AGBL1: variants seen among roughly 807,000 people sequenced by gnomAD.
AGBL1 encodes the protein cytosolic carboxypeptidase 4.
Under a neutral mutation model 118.9 loss-of-function variants are expected in AGBL1, and 130 were observed. The ratio of observed to expected loss-of-function variants is 1.09; its 90% CI spans 0.95 to 1.26. AGBL1 has a LOEUF of 1.26. AGBL1 is among the 50% of genes most tolerant of loss of function. The pLI is 0.00. For missense variants in AGBL1, 1,584 were observed against 1,298.1 expected, an observed-to-expected ratio of 1.22 and a Z score of -3.38; for synonymous variants, 555 against 478.9, an observed-to-expected ratio of 1.16 and a Z score of -2.08.
At chr15:86,566,139 C>T (rs2083910160) in intron 21 of AGBL1, among the ~76,000 whole-genome samples, 1 of 152,166 alleles carries the variant, frequency 6.6e-6, no homozygotes, top group African/African-American at 2.4e-5. Context: ...CACTGTCCTG[C>T]ACCCACTGTC....
At chr15:86,862,322 T>A (rs2079570241) in intron 22 of AGBL1, among the ~76,000 whole-genome samples, 1 of 152,172 alleles carries the variant, frequency 6.6e-6, no homozygotes. Flanking sequence ...TACTGATAAG[T>A]CCTACAGATA....
intron 22 of AGBL1, among the ~76,000 whole-genome samples, chr15:86,853,948 A>AT (rs2079443177): frequency 6.6e-6 from 1 of 152,166 alleles, no homozygotes; most frequent in Non-Finnish European, 1.5e-5. Context: ...CAAAGAAAAT[A>AT]TTGCATAGGG....
At chr15:86,621,898 C>G (rs2084811178) in intron 21 of AGBL1, among the ~76,000 whole-genome samples, 1 of 152,128 alleles carries the variant, frequency 6.6e-6, no homozygotes, top group Admixed American at 6.6e-5. Flanking sequence ...TTTGGTAGGA[C>G]TTTTTAGAAA....
chr15:86,232,259 T>G (rs1049592334), intron 6 of AGBL1, among the ~76,000 whole-genome samples: 18 of 152,312 alleles, frequency 1.2e-4, no homozygotes, highest in Middle Eastern at 3.4e-3. Flanking sequence ...CCTGTCCCCT[T>G]GGGACGGTCA....
chr15:86,643,524 G>A (rs549737764), intron 21 of AGBL1, among the ~76,000 whole-genome samples: 24 of 152,004 alleles, frequency 1.6e-4, no homozygotes, highest in Admixed American at 5.2e-4. Flanking sequence ...TTAGCTTGTC[G>A]CTAACTTCTC....
chr15:86,924,267 C>A (rs1016820670), intron 23 of AGBL1, among the ~76,000 whole-genome samples: 1 of 152,144 alleles, frequency 6.6e-6, no homozygotes, highest in Non-Finnish European at 1.5e-5. Context: ...ACATTGTGAT[C>A]CTAATGGTAC....
intron 21 of AGBL1, among the ~76,000 whole-genome samples, chr15:86,640,960 C>G (rs1463531882): frequency 1.4e-5 from 1 of 73,534 alleles, no homozygotes; most frequent in African/African-American, 4.7e-5. Context: ...TTTTTAATTA[C>G]TGAGGTTGAT....
At position 86,686,442 on chromosome 15, in the gene AGBL1, G is replaced by GTTTT. The variant is rs368842116; in HGVS notation, c.3158+12022_3158+12025dup. Among the ~76,000 whole-genome samples the GTTTT allele has an allele frequency of 4.6e-4, 58 of 127,098 alleles. 4 individuals carry two copies. The highest frequency in any genetic ancestry group is 1.1e-3 in the Admixed American group (13 of 11,680). 83.4% of individuals were successfully genotyped at this position (127,098 alleles called of 152,430 possible). On this transcript the variant is annotated intron_variant, in intron 22 of 22. Transcript: ENST00000614907. ...TTATTGACTGCTTAGCATATTCTAA[G>GTTTT]TTTTTTTTTTTTTTTTTTTGAGATG... is the stretch of plus-strand genomic sequence containing the variant.
At chr15:87,025,580 C>T (rs758596695) in intron 24 of AGBL1, among the ~76,000 whole-genome samples, 16 of 151,784 alleles carry the variant, frequency 1.1e-4, no homozygotes, top group Non-Finnish European at 2.1e-4. Context: ...CTACCAAAAG[C>T]GATCTACAAA....
chr15:86,497,688 A>T (rs746232512), intron 18 of AGBL1, among the ~76,000 whole-genome samples: 1 of 151,588 alleles, frequency 6.6e-6, no homozygotes, highest in Non-Finnish European at 1.5e-5. Flanking sequence ...GGAGTATGGG[A>T]CTCGGGATCT....
chr15:86,427,433 C>G (rs2081880006), intron 18 of AGBL1, among the ~76,000 whole-genome samples: 1 of 151,954 alleles, frequency 6.6e-6, no homozygotes, highest in Non-Finnish European at 1.5e-5. Context: ...TCCTAAATGA[C>G]ATTTCCAGCT....
At chr15:86,931,375 G>C (rs2080600940) in intron 23 of AGBL1, among the ~76,000 whole-genome samples, 1 of 152,132 alleles carries the variant, frequency 6.6e-6, no homozygotes, top group Admixed American at 6.5e-5. Flanking sequence ...TGAGGTACCT[G>C]ATTCTCCTTG....
At chr15:86,577,271 C>T (rs1375452882) in intron 21 of AGBL1, among the ~76,000 whole-genome samples, 1 of 152,110 alleles carries the variant, frequency 6.6e-6, no homozygotes, top group Non-Finnish European at 1.5e-5. Flanking sequence ...AGCGAAGAGA[C>T]TGGTGGCATT....
chr15:86,137,147 G>C (rs1047279133), intron 1 of AGBL1, among the ~76,000 whole-genome samples: 2 of 152,202 alleles, frequency 1.3e-5, no homozygotes, highest in Admixed American at 1.3e-4. Context: ...ATTAATGCCA[G>C]TTGAGATTAT....
intron 18 of AGBL1, among the ~76,000 whole-genome samples, chr15:86,432,457 TAG>T: frequency 6.6e-6 from 1 of 152,202 alleles, no homozygotes; most frequent in African/African-American, 2.4e-5. Flanking sequence ...TTCTCATGAT[TAG>T]CCTGTGTTAG....
intron 18 of AGBL1, among the ~76,000 whole-genome samples, chr15:86,515,169 T>G (rs1177656348): frequency 6.6e-6 from 1 of 152,226 alleles, no homozygotes; most frequent in African/African-American, 2.4e-5. Flanking sequence ...TCTTCTTTAC[T>G]GATTTGCATG....
Position 86,098,094 on chromosome 15 carries a change from T to C in AGBL1, c.51+18071T>C, listed in dbSNP as rs529791666. ...TGATGCTGAGTAATTTTTCATATAC[T>C]TGTTGACCATTTGTATGTCTTATTT... On this transcript the variant is annotated intron_variant, in intron 1 of 22. Transcript: ENST00000614907. 3.3e-5 allele frequency among the ~76,000 whole-genome samples: 5 copies of C among 152,354 alleles called. No individual in the cohort carries two copies. The East Asian group carries it at 9.6e-4, about 29-fold the overall frequency.
intron 18 of AGBL1, among the ~76,000 whole-genome samples, chr15:86,475,105 A>G (rs1489042914): frequency 1.3e-5 from 2 of 152,242 alleles, no homozygotes; most frequent in Non-Finnish European, 2.9e-5. Flanking sequence ...AAAGGCAGAT[A>G]AAACCACAAA....
At position 86,349,851 on chromosome 15, in the gene AGBL1, G is replaced by A. The variant is rs535148307; in HGVS notation, c.2375-47515G>A. ...AAGAGCTCTGGAAGGAAAGAGAAGC[G>A]TTCAATTTATATATCTTTGGGCAAC... On this transcript the variant is annotated intron_variant, in intron 17 of 22. Transcript: ENST00000614907. Among the ~76,000 whole-genome samples, 29 of 152,290 alleles carry A rather than the reference G, an allele frequency of 1.9e-4. No homozygotes were observed. In the South Asian group the frequency reaches 2.3e-3, roughly 12 times the overall value.
Sources: gnomAD v4.1 joint callset for allele counts (sites outside exome capture counted in the v4.1 genomes callset) on GRCh38, gnomAD v4.1.1 for gene constraint, MANE v1.5 for transcripts, NCBI Gene and HGNC (gene_info 2026-07-23, HGNC 2026-07-21) for gene names.